Variants in FAT1 observed in about 807,000 individuals in gnomAD.
FAT1 encodes FAT atypical cadherin 1.
In FAT1, 171 loss-of-function variants were observed where a neutral mutation model predicts 329.8. That is an observed-to-expected ratio of 0.52 (90% CI 0.46 to 0.59). The LOEUF (loss-of-function observed/expected upper bound fraction) is 0.59. Ranked by LOEUF, FAT1 falls within the 20% of genes least tolerant of loss-of-function variation. The pLI is 0.00. For synonymous variants in FAT1, 2,233 were observed against 2,228.6 expected (o/e 1.00, Z -0.06); for missense variants, 5,672 against 5,774.4 (o/e 0.98, Z 0.57).
rs950238146 is a variant in FAT1, at chr4:186,628,709, T to C, written c.4378A>G (p.Lys1460Glu). 3.7e-6 allele frequency: 6 copies of C among 1,613,826 alleles called. No homozygotes were observed. The highest frequency in any genetic ancestry group is 1.7e-5 in the Admixed American group (1 of 60,012). The stretch of plus-strand genomic sequence containing the variant: ...TCTTCAGGAATAACAACTTCATACT[T>C]TGATGTAGAAAACTGAGGACGATGG... ...NDHRPQFSTS[K>E]YEVVIPEDTA... The change falls in exon 8 of 27, where the codon AAG becomes GAG. Residue 1460 changes from lysine (K) to glutamate (E), a missense_variant. Around this residue, in one of 2 missense-constraint regions of FAT1, gnomAD observed 3,966 missense variants for 3,915.2 expected, o/e 1.01. Transcript: ENST00000441802.
intron 3 of FAT1, among the ~76,000 whole-genome samples, chr4:186,648,848 C>T (rs1741500439): frequency 1.3e-5 from 2 of 152,148 alleles, no homozygotes; most frequent in South Asian, 2.1e-4. Flanking sequence ...GAAGGTTTCC[C>T]GGTGATTCCA....
At chr4:186,630,409 T>C (rs1296073975) in intron 7 of FAT1, among the ~76,000 whole-genome samples, 1 of 151,792 alleles carries the variant, frequency 6.6e-6, no homozygotes, top group Admixed American at 6.6e-5. Context: ...GGTGATACAG[T>C]AAAGGAGCAA....
rs3733415 is a variant in FAT1, at chr4:186,709,436, G to A, written c.392C>T (p.Ala131Val). Residue 131 changes from alanine (A) to valine (V), a missense_variant, in exon 2 of 27, where the codon GCG becomes GTG. Physicochemically the swap from Ala to Val is moderately conservative, Grantham distance 64 (BLOSUM62 0). Around this residue, in one of 2 missense-constraint regions of FAT1, gnomAD observed 3,966 missense variants for 3,915.2 expected, o/e 1.01. Transcript: ENST00000441802. The stretch of plus-strand genomic sequence containing the variant: ...CACCTGCACCCTGACCTTTGTTCGC[G>A]CCTCCACATTAGTATTTTTTTCAAG... ...KALEKNTNVE[A>V]RTKVRVQVLD... The A allele has an allele frequency of 0.16, 258,656 of 1,613,510 alleles. 24,408 individuals are homozygous for A. The highest frequency in any genetic ancestry group is 0.36 in the African/African-American group (27,149 of 74,856).
In FAT1 at chr4:186,588,372, C is replaced by A; in HGVS notation, c.*220G>T. 1.8e-6 allele frequency: 1 copy of A among 543,072 alleles called. No individual in the cohort carries two copies. Among genetic ancestry groups the A allele is most frequent in the South Asian group, 3.1e-5 (1 of 31,884 alleles). 33.6% of individuals were successfully genotyped at this position (543,072 alleles called of 1,614,324 possible). A position where few individuals can be genotyped will look rare whatever the true frequency, so the allele number is the denominator to read the frequency against. ...ATTTTAACACAGACAGATGTAAATC[C>A]CAAAAGACGTTGGGAAATGGCACAG... On this transcript the variant is annotated 3_prime_UTR_variant, in exon 27 of 27. Transcript: ENST00000441802.
rs1482151808 is a variant in FAT1, at chr4:186,628,189, C to G, written c.4775G>C (p.Gly1592Ala). Reference sequence around the variant, plus strand: ...CGAGTACAGCACTTCAGCATTTTTCCCTTTGTCCTTGTCCAGAGCCGTCAC... The same window carrying G: ...CGAGTACAGCACTTCAGCATTTTTCGCTTTGTCCTTGTCCAGAGCCGTCAC... ...LQVTALDKDKGKNAEVLYSIE... is the reference protein window; with the variant it reads ...LQVTALDKDKAKNAEVLYSIE... The change falls in exon 9 of 27, where the codon GGG becomes GCG. Residue 1592 changes from glycine to alanine, a missense_variant. By Grantham distance (60) the Gly-to-Ala change is moderately conservative (BLOSUM62 0). Transcript: ENST00000441802. The G allele has an allele frequency of 2.5e-6, 4 of 1,613,778 alleles. No homozygotes were observed. Among genetic ancestry groups the G allele is most frequent in the Non-Finnish European group, 3.4e-6 (4 of 1,179,860 alleles).
chr4:186,699,282 A>C (rs1744183630), intron 2 of FAT1, among the ~76,000 whole-genome samples: 1 of 152,222 alleles, frequency 6.6e-6, no homozygotes, highest in African/African-American at 2.4e-5. Flanking sequence ...AAAAACAAAA[A>C]ACCAATTGAT....
At chr4:186,724,036 G>A (rs541532594), upstream of FAT1, among the ~76,000 whole-genome samples, 2 of 151,812 alleles carry the variant, frequency 1.3e-5, no homozygotes, top group Admixed American at 6.5e-5. This position sits in a 1 kb window ranked among gnomAD's most constrained non-coding sequence, Gnocchi z 5.3. Context: ...TCCGTGCTGG[G>A]AGACGAGAAG....
chr4:186,629,258 C>T (rs1328465459), intron 7 of FAT1, among the ~76,000 whole-genome samples: 3 of 151,552 alleles, frequency 2.0e-5, no homozygotes, highest in East Asian at 1.9e-4. Context: ...TTTTTTAATA[C>T]GTAAAAAGAA....
chr4:186,615,387 A>T (rs974065810), intron 11 of FAT1, among the ~76,000 whole-genome samples: 3 of 152,150 alleles, frequency 2.0e-5, no homozygotes, highest in African/African-American at 7.2e-5. Context: ...AGCCACAAGC[A>T]TCTCAGACTC....
rs200950081 is a variant in FAT1 at position 186,619,449 on chromosome 4, G to C, written c.7137C>G (p.Asp2379Glu). ...TLSSDVIVTV[D>E]VTDLNDNPPL... Reference sequence around the variant, plus strand: ...GTGGATTATCATTGAGGTCGGTAACGTCCACCGTGACAATCACATCACTGC... The same window carrying C: ...GTGGATTATCATTGAGGTCGGTAACCTCCACCGTGACAATCACATCACTGC... The change falls in exon 10 of 27, where the codon GAC becomes GAG. Residue 2379 changes from aspartate to glutamate, a missense_variant. This residue lies in a region of FAT1 where 3,966 missense variants were observed against 3,915.2 expected (regional missense o/e 1.01). Transcript: ENST00000441802. 6.2e-7 allele frequency: 1 copy of C among 1,613,934 alleles called. No homozygotes were observed.
intron 3 of FAT1, among the ~76,000 whole-genome samples, chr4:186,641,970 G>T (rs1295256379): frequency 6.6e-6 from 1 of 150,750 alleles, no homozygotes; most frequent in East Asian, 1.9e-4. Context: ...TTGCGCCACA[G>T]CACTCCAGCC....
At chr4:186,643,471 G>A (rs560873091) in intron 3 of FAT1, among the ~76,000 whole-genome samples, 8 of 152,286 alleles carry the variant, frequency 5.3e-5, no homozygotes, top group African/African-American at 1.9e-4. Flanking sequence ...CCAGAGAGAG[G>A]CCGTGCATGA....
chr4:186,689,573 T>C (rs947965326), intron 2 of FAT1, among the ~76,000 whole-genome samples: 3 of 152,168 alleles, frequency 2.0e-5, no homozygotes, highest in Non-Finnish European at 4.4e-5. Context: ...ATCACAAGAA[T>C]TGCTTCACTG....
rs1372551319 is a variant in FAT1, at chr4:186,709,018, G to A, written c.810C>T (p.Asp270=). ...CCACTGTCACAATTGCATATGCTGG[G>A]TCCCTGTCCAGTTCTGATGGTGACA... ...VTLSPSELDR[D]PAYAIVTVDD... is the part of the protein sequence containing the mutation. Residue 270 remains aspartate, a synonymous_variant, in exon 2 of 27, where the codon GAC becomes GAT. Coordinates refer to ENST00000441802, the MANE Select transcript of FAT1 (RefSeq NM_005245.4). The A allele has an allele frequency of 1.2e-6, 2 of 1,613,958 alleles. No individual in the cohort carries two copies. Among genetic ancestry groups the A allele is most frequent in the African/African-American group, 1.3e-5 (1 of 75,022 alleles).
rs2126413144 is a variant in FAT1 at position 186,600,182 on chromosome 4, G to A, written c.11819C>T (p.Thr3940Ile). 1 of 1,614,082 alleles carries A rather than the reference G, an allele frequency of 6.2e-7. No individual in the cohort carries two copies. The highest frequency in any genetic ancestry group is 1.6e-4 in the Middle Eastern group (1 of 6,062). ...GTTATCCAGGTTCAGGGTTTTCAGA[G>A]TCCCTGGGGCTGTGCCCGATGCAGT... The part of the protein sequence containing the change: ...VHTASGTAPG[T>I]LKTLNLDNYV... Residue 3940 changes from threonine (T) to isoleucine (I), a missense_variant, in exon 22 of 27, where the codon ACT (threonine) becomes ATT (isoleucine). Around this residue, in one of 2 missense-constraint regions of FAT1, gnomAD observed 1,706 missense variants for 1,859.1 expected, o/e 0.92. Coordinates refer to ENST00000441802, the MANE Select transcript of FAT1 (RefSeq NM_005245.4).
chr4:186,653,918 C>A (rs1741782962), intron 3 of FAT1, among the ~76,000 whole-genome samples: 1 of 152,118 alleles, frequency 6.6e-6, no homozygotes, highest in South Asian at 2.1e-4. Context: ...GTTTAAAAAT[C>A]TAGTGTTACT....
At chr4:186,602,357 G>A (rs767532601) in intron 20 of FAT1, among the ~76,000 whole-genome samples, 11 of 152,124 alleles carry the variant, frequency 7.2e-5, no homozygotes, top group South Asian at 6.2e-4. Flanking sequence ...TCTATACACC[G>A]TATAGAAATG....
chr4:186,669,546 A>C (rs1307640416), intron 2 of FAT1, among the ~76,000 whole-genome samples: 2 of 152,190 alleles, frequency 1.3e-5, no homozygotes, highest in Non-Finnish European at 2.9e-5. Context: ...AACCTGAAAA[A>C]TCCGAAAGAA....
At chr4:186,651,127 TA>T (rs1372776058) in intron 3 of FAT1, among the ~76,000 whole-genome samples, 1 of 144,424 alleles carries the variant, frequency 6.9e-6, no homozygotes, top group Non-Finnish European at 1.5e-5. Flanking sequence ...AATTAACAAA[TA>T]ATTACTAAAT....
Sources: allele counts gnomAD v4.1 joint callset (sites outside exome capture counted in the v4.1 genomes callset), GRCh38; gene constraint gnomAD v4.1.1; regional missense constraint gnomAD v4.1.1; non-coding constraint Gnocchi (gnomAD v3.1); transcripts MANE v1.5; gene names NCBI Gene and HGNC (gene_info 2026-07-23, HGNC 2026-07-21).